MAP4K4: variants seen among roughly 807,000 people sequenced by gnomAD.
The protein encoded by MAP4K4 is mitogen-activated protein kinase kinase kinase kinase 4.
MAP4K4 carries 38 observed loss-of-function variants against 189.6 expected under a neutral mutation model. That is an observed-to-expected ratio of 0.20 (90% CI 0.15 to 0.26). The LOEUF (loss-of-function observed/expected upper bound fraction) is 0.26, where lower values mean the gene tolerates loss of function less well. MAP4K4 is among the 10% of genes least tolerant of loss of function. The probability of loss-of-function intolerance (pLI) is 1.00; values close to 1 mark genes in which losing one functional copy is unlikely to be tolerated. For synonymous variants in MAP4K4, 610 were observed against 624.3 expected (o/e 0.98, Z 0.34); for missense variants, 1,054 against 1,726.9 (o/e 0.61, Z 6.91).
intron 26 of MAP4K4, among the ~76,000 whole-genome samples, chr2:101,874,582 G>A (rs908665662): frequency 4.6e-5 from 7 of 152,126 alleles, no homozygotes; most frequent in African/African-American, 1.7e-4. Context: ...ATACTCAATA[G>A]TGTACATTGT....
At chr2:101,790,802 A>G (rs1344498551) in intron 3 of MAP4K4, 26 bp downstream of exon 3, 4 of 1,565,186 alleles carry the variant, frequency 2.6e-6, no homozygotes, top group Non-Finnish European at 3.5e-6. Flanking sequence ...ACACATTTTT[A>G]AATAATGTTA....
rs1559013874 is a variant in MAP4K4 at position 101,704,563 on chromosome 2, A to AT, written c.123+6026dup. Among the ~76,000 whole-genome samples the AT allele has an allele frequency of 4.4e-3, 208 of 47,196 alleles. 2 individuals are homozygous for AT. Among genetic ancestry groups the AT allele is most frequent in the African/African-American group, 8.8e-3 (55 of 6,264 alleles). The allele number at this position is 47,196 out of a possible 152,430, so 31.0% of individuals were successfully genotyped here. On this transcript the variant is annotated intron_variant, in intron 2 of 32. Coordinates refer to ENST00000324219, the Ensembl canonical transcript of MAP4K4. ...TGTGTATATATATATATATATATATATATATTTTTTTTTTTTTTTTTTTTT... is the reference window on the plus strand; with the variant it reads ...TGTGTATATATATATATATATATATATTATATTTTTTTTTTTTTTTTTTTTT...
In MAP4K4 at chr2:101,743,993, G is replaced by A. The variant is rs186551511; in HGVS notation, c.123+45455G>A. 3.4e-3 allele frequency among the ~76,000 whole-genome samples: 521 copies of A among 152,268 alleles called. 2 individuals carry two copies. The highest frequency in any genetic ancestry group is 6.0e-3 in the Non-Finnish European group (406 of 67,998). ...TTTCAAGAAGAAAAATGTGATAAAG[G>A]TAGGACTGCCTGTTTTCTTAAGTTG... On this transcript the variant is annotated intron_variant, in intron 2 of 32. Coordinates refer to ENST00000324219, the Ensembl canonical transcript of MAP4K4.
chr2:101,809,031 G>A (rs541030100), intron 3 of MAP4K4, among the ~76,000 whole-genome samples: 60 of 152,202 alleles, frequency 3.9e-4, no homozygotes, highest in Middle Eastern at 3.4e-3. Context: ...GTGTGGCTGC[G>A]TTTAGTTTAA....
chr2:101,849,577 T>C (rs2097214264), intron 12 of MAP4K4, among the ~76,000 whole-genome samples: 1 of 151,678 alleles, frequency 6.6e-6, no homozygotes, highest in Admixed American at 6.6e-5. Flanking sequence ...TTAGGAAAAA[T>C]GAAGCTTACT....
intron 7 of MAP4K4, among the ~76,000 whole-genome samples, chr2:101,833,815 T>C (rs1236533438): frequency 2.0e-5 from 3 of 152,160 alleles, no homozygotes; most frequent in African/African-American, 4.8e-5. Context: ...AAAGATTCCA[T>C]GTACAGAAAA....
At chr2:101,759,536 A>C (rs1481722395) in intron 2 of MAP4K4, among the ~76,000 whole-genome samples, 32 of 6,258 alleles carry the variant, frequency 5.1e-3, no homozygotes, top group Non-Finnish European at 5.0e-3. Context: ...TCCCCTCCCC[A>C]TTCCACTCCC....
intron 21 of MAP4K4, among the ~76,000 whole-genome samples, chr2:101,869,034 T>C (rs1368073196): frequency 6.6e-6 from 1 of 152,094 alleles, no homozygotes; most frequent in Non-Finnish European, 1.5e-5. Flanking sequence ...CTACAACTTT[T>C]ATTAATAAAA....
intron 2 of MAP4K4, among the ~76,000 whole-genome samples, chr2:101,710,782 G>A (rs1300332091): frequency 6.6e-6 from 1 of 152,200 alleles, no homozygotes; most frequent in African/African-American, 2.4e-5. Flanking sequence ...GATATATGTG[G>A]AGCAGTGAAC....
At chr2:101,774,408 T>C (rs1016187565) in intron 2 of MAP4K4, among the ~76,000 whole-genome samples, 3 of 152,194 alleles carry the variant, frequency 2.0e-5, no homozygotes, top group Non-Finnish European at 4.4e-5. Flanking sequence ...AATCAGATTA[T>C]TAGATTTTTT....
intron 3 of MAP4K4, among the ~76,000 whole-genome samples, chr2:101,813,690 T>TGTG (rs2095563427): frequency 6.6e-6 from 1 of 152,226 alleles, no homozygotes; most frequent in Non-Finnish European, 1.5e-5. Context: ...TATGAGTTTC[T>TGTG]GTGGTGGTGG....
At chr2:101,745,217 A>G (rs2064701499) in intron 2 of MAP4K4, among the ~76,000 whole-genome samples, 1 of 151,824 alleles carries the variant, frequency 6.6e-6, no homozygotes, top group Non-Finnish European at 1.5e-5. Context: ...AATAGAGCAT[A>G]TGTAGCCATA....
intron 2 of MAP4K4, among the ~76,000 whole-genome samples, chr2:101,710,979 C>A (rs2045170329): frequency 6.6e-6 from 1 of 152,194 alleles, no homozygotes; most frequent in South Asian, 2.1e-4. Flanking sequence ...GTGCTCCTTG[C>A]ATTTGAATCT....
chr2:101,885,645 T>C (rs925151168), intron 29 of MAP4K4, among the ~76,000 whole-genome samples: 2 of 152,214 alleles, frequency 1.3e-5, no homozygotes, highest in African/African-American at 4.8e-5. Flanking sequence ...CAAAACTGTG[T>C]CTATCGGGCA....
At chr2:101,772,344 C>CA (rs1344794739) in intron 2 of MAP4K4, among the ~76,000 whole-genome samples, 2 of 152,322 alleles carry the variant, frequency 1.3e-5, no homozygotes, top group African/African-American at 4.8e-5. Context: ...AAAGGATATC[C>CA]AACAAAATTT....
exon 19 of MAP4K4, chr2:101,866,458 A>G: frequency 6.2e-7 from 1 of 1,613,482 alleles, no homozygotes; most frequent in South Asian, 1.1e-5. Context: ...TGTGGGAGAG[A>G]GTGGAGAAGC....
intron 3 of MAP4K4, among the ~76,000 whole-genome samples, chr2:101,806,034 G>A (rs2094896832): frequency 6.6e-6 from 1 of 152,112 alleles, no homozygotes; most frequent in Non-Finnish European, 1.5e-5. Flanking sequence ...TTCCAAGCAA[G>A]CCTGCGTTCT....
chr2:101,797,361 C>G (rs368087782), intron 3 of MAP4K4: 2 of 1,290,830 alleles, frequency 1.5e-6, no homozygotes, highest in Admixed American at 4.6e-5. Flanking sequence ...AGACTTACCA[C>G]AGGATCATTC....
At chr2:101,771,313 C>G (rs904148215) in intron 2 of MAP4K4, among the ~76,000 whole-genome samples, 2 of 152,120 alleles carry the variant, frequency 1.3e-5, no homozygotes. Context: ...CTTTTGGTGT[C>G]CTGATTAACA....
Sources: allele counts gnomAD v4.1 joint callset (sites outside exome capture counted in the v4.1 genomes callset), GRCh38; gene constraint gnomAD v4.1.1; transcripts MANE v1.5; gene names NCBI Gene and HGNC (gene_info 2026-07-23, HGNC 2026-07-21).